ANKS1B: variants seen among roughly 807,000 people sequenced by gnomAD.
ANKS1B encodes ankyrin repeat and sterile alpha motif domain containing 1B.
In ANKS1B, 36 loss-of-function variants were observed where a neutral mutation model predicts 148.3. The observed-to-expected ratio is 0.24, with a 90% confidence interval of 0.19 to 0.32. The LOEUF is 0.32. Ranked by LOEUF, ANKS1B falls within the 10% of genes least tolerant of loss-of-function variation. The pLI, the probability that ANKS1B is intolerant of heterozygous loss-of-function variation, is 1.00. For synonymous variants in ANKS1B, 542 were observed against 560.8 expected, an observed-to-expected ratio of 0.97 and a Z score of 0.47; for missense variants, 1,157 against 1,542.6, an observed-to-expected ratio of 0.75 and a Z score of 4.19.
chr12:98,922,537 G>T (rs1442411385), intron 17 of ANKS1B, among the ~76,000 whole-genome samples: 1 of 152,034 alleles, frequency 6.6e-6, no homozygotes, highest in Non-Finnish European at 1.5e-5. Context: ...CTTGCTGTGT[G>T]GCCCAGGCTG....
chr12:99,394,749 C>T (rs1297908204), intron 12 of ANKS1B, among the ~76,000 whole-genome samples: 1 of 152,136 alleles, frequency 6.6e-6, no homozygotes, highest in East Asian at 1.9e-4. Flanking sequence ...CATCCTTCCT[C>T]AAGCTCAGTT....
In ANKS1B at chr12:99,707,831, GA is replaced by G. The variant is rs200734266; in HGVS notation, c.1129-52622del. On this transcript the variant is annotated intron_variant, in intron 8 of 26. Transcript: ENST00000683438. ...AGTTATTATAACTATATTGCTAAAG[GA>G]AAAAAAAAGTGTGGTTATTTGTTAC... is the stretch of plus-strand genomic sequence containing the variant. Among the ~76,000 whole-genome samples, 13 of 150,712 alleles carry G rather than the reference GA, an allele frequency of 8.6e-5. No individual in the cohort carries two copies. The East Asian group carries it at 9.8e-4, about 11-fold the overall frequency.
chr12:99,895,454 T>C (rs1407160676), intron 1 of ANKS1B, among the ~76,000 whole-genome samples: 1 of 150,966 alleles, frequency 6.6e-6, no homozygotes, highest in Non-Finnish European at 1.5e-5. Context: ...CTTTCGATTC[T>C]ATTTCTCTGG....
chr12:98,990,845 G>A (rs1002034827), intron 17 of ANKS1B, among the ~76,000 whole-genome samples: 2 of 152,166 alleles, frequency 1.3e-5, no homozygotes, highest in Non-Finnish European at 2.9e-5. Flanking sequence ...TGACATAACC[G>A]GTTTGGGACT....
At chr12:99,899,458 ATC>A (rs1323549299) in intron 1 of ANKS1B, among the ~76,000 whole-genome samples, 23 of 152,204 alleles carry the variant, frequency 1.5e-4, no homozygotes, top group Admixed American at 1.5e-3. Flanking sequence ...CTAATATATT[ATC>A]TGTTACCCCT....
At chr12:98,842,887 C>T (rs1164877033) in intron 17 of ANKS1B, among the ~76,000 whole-genome samples, 6 of 152,246 alleles carry the variant, frequency 3.9e-5, no homozygotes, top group East Asian at 3.9e-4. Context: ...TAAATTAGTA[C>T]GACTTTCCTA....
intron 11 of ANKS1B, among the ~76,000 whole-genome samples, chr12:99,417,806 C>G (rs536895138): frequency 6.6e-6 from 1 of 151,584 alleles, no homozygotes; most frequent in Non-Finnish European, 1.5e-5. Flanking sequence ...AAATTAAAGA[C>G]GAAGAAAAAA....
At chr12:98,872,432 G>A (rs2099673509) in intron 17 of ANKS1B, among the ~76,000 whole-genome samples, 1 of 152,034 alleles carries the variant, frequency 6.6e-6, no homozygotes, top group Admixed American at 6.6e-5. Context: ...TCAGCTACTC[G>A]GGACGCTAAG....
chr12:99,095,536 C>G (rs1326890438), intron 15 of ANKS1B, among the ~76,000 whole-genome samples: 1 of 152,116 alleles, frequency 6.6e-6, no homozygotes, highest in Non-Finnish European at 1.5e-5. Context: ...TGGAGGCAGG[C>G]AAGGATAGGC....
At chr12:99,044,106 G>C (rs1598902898) in intron 17 of ANKS1B, among the ~76,000 whole-genome samples, 1 of 152,230 alleles carries the variant, frequency 6.6e-6, no homozygotes. Context: ...TTTTGCTTTT[G>C]TATTTTCTAT....
intron 15 of ANKS1B, among the ~76,000 whole-genome samples, chr12:99,123,420 G>C (rs2153731541): frequency 6.6e-6 from 1 of 152,276 alleles, no homozygotes; most frequent in Admixed American, 6.5e-5. Context: ...CTGTATGACT[G>C]GGGTATTAGT....
At chr12:98,965,927 C>T (rs1445347436) in intron 17 of ANKS1B, among the ~76,000 whole-genome samples, 14 of 152,172 alleles carry the variant, frequency 9.2e-5, no homozygotes, top group Admixed American at 9.2e-4. Context: ...AAATGTTAGA[C>T]CTAATACCAT....
chr12:99,484,385 T>C (rs911596401), intron 10 of ANKS1B, among the ~76,000 whole-genome samples: 1 of 152,020 alleles, frequency 6.6e-6, no homozygotes, highest in East Asian at 1.9e-4. Flanking sequence ...TTTTTAAAAA[T>C]TTATTGAGGC....
At chr12:99,410,196 A>G (rs556555488) in intron 11 of ANKS1B, among the ~76,000 whole-genome samples, 10 of 152,230 alleles carry the variant, frequency 6.6e-5, no homozygotes, top group Non-Finnish European at 1.5e-4. Flanking sequence ...TCACTGTTTG[A>G]AAACAAAGTT....
At chr12:99,891,464 T>C (rs2093105300) in intron 1 of ANKS1B, among the ~76,000 whole-genome samples, 1 of 152,098 alleles carries the variant, frequency 6.6e-6, no homozygotes, top group Non-Finnish European at 1.5e-5. Flanking sequence ...AAGCAATCCA[T>C]CTGATTCTGA....
chr12:98,755,812 G>T (rs2098226402), intron 25 of ANKS1B, among the ~76,000 whole-genome samples: 1 of 152,170 alleles, frequency 6.6e-6, no homozygotes. Context: ...CCCAACCCAT[G>T]TGTCTACCCA....
intron 9 of ANKS1B, among the ~76,000 whole-genome samples, chr12:99,619,359 T>A (rs1437761497): frequency 3.9e-5 from 6 of 151,930 alleles, no homozygotes; most frequent in Admixed American, 3.9e-4. Context: ...CTATTCCTAA[T>A]GTGGCCAGAC....
chr12:99,895,378 A>G (rs906211585), intron 1 of ANKS1B, among the ~76,000 whole-genome samples: 2 of 151,022 alleles, frequency 1.3e-5, no homozygotes, highest in Non-Finnish European at 3.0e-5. Context: ...CGAAATCTCC[A>G]CAAACACATG....
intron 12 of ANKS1B, among the ~76,000 whole-genome samples, chr12:99,284,585 C>T (rs925720832): frequency 6.6e-6 from 1 of 152,144 alleles, no homozygotes; most frequent in Non-Finnish European, 1.5e-5. Context: ...TAGTCCAAAC[C>T]AGTGTTTTTT....
Sources: gnomAD v4.1 joint callset for allele counts (sites outside exome capture counted in the v4.1 genomes callset) on GRCh38, gnomAD v4.1.1 for gene constraint, MANE v1.5 for transcripts, NCBI Gene and HGNC (gene_info 2026-07-23, HGNC 2026-07-21) for gene names.